The following NAV1 variants were observed in gnomAD, a reference collection of about 807,000 sequenced individuals.
NAV1 encodes pore membrane and/or filament interacting like protein 3.
A neutral mutation model predicts 175.2 loss-of-function variants in NAV1; 18 were observed. The ratio of observed to expected loss-of-function variants is 0.10; its 90% CI spans 0.07 to 0.15. NAV1 has a LOEUF of 0.15. NAV1 is among the 10% of genes least tolerant of loss of function. NAV1 has a pLI of 1.00. For missense variants in NAV1, 1,731 were observed against 2,436.6 expected, an observed-to-expected ratio of 0.71 and a Z score of 6.10; for synonymous variants, 897 against 978.7, an observed-to-expected ratio of 0.92 and a Z score of 1.56.
At chr1:201,546,169 A>G (rs558217064) in intron 1 of NAV1, among the ~76,000 whole-genome samples, 1 of 152,322 alleles carries the variant, frequency 6.6e-6, no homozygotes, top group Admixed American at 6.5e-5. Context: ...ACCATTCTGT[A>G]TGGCCCCTCT....
intron 1 of NAV1, among the ~76,000 whole-genome samples, chr1:201,659,167 T>G (rs1198312859): frequency 2.0e-5 from 3 of 152,230 alleles, no homozygotes; most frequent in Non-Finnish European, 2.9e-5. Flanking sequence ...AATTTGGGAC[T>G]AGACAGGGGA....
chr1:201,655,464 G>T (rs771628242), intron 1 of NAV1, among the ~76,000 whole-genome samples: 1 of 152,258 alleles, frequency 6.6e-6, no homozygotes, highest in Admixed American at 6.5e-5. Flanking sequence ...GGGAGGTAGG[G>T]GGGGCCAGGC....
intron 3 of NAV1, among the ~76,000 whole-genome samples, chr1:201,738,704 C>T (rs1673222180): frequency 6.6e-6 from 1 of 152,122 alleles, no homozygotes; most frequent in Non-Finnish European, 1.5e-5. Flanking sequence ...CTTAAGAGAA[C>T]ACATGTGACC....
chr1:201,784,156 A>ATTTTG (rs1027878929), intron 7 of NAV1, among the ~76,000 whole-genome samples: 12 of 152,198 alleles, frequency 7.9e-5, no homozygotes, highest in Admixed American at 1.3e-4. Context: ...GTCCAAAATC[A>ATTTTG]TTTTGTTTTG....
intron 2 of NAV1, among the ~76,000 whole-genome samples, chr1:201,590,623 C>G (rs1242136101): frequency 1.3e-5 from 2 of 152,172 alleles, no homozygotes; most frequent in East Asian, 3.9e-4. Context: ...GTGCCCAGGC[C>G]CAGCTGAGGA....
intron 1 of NAV1, among the ~76,000 whole-genome samples, chr1:201,665,592 C>T (rs1475715451): frequency 7.3e-5 from 5 of 68,878 alleles, no homozygotes; most frequent in Non-Finnish European, 1.2e-4. Context: ...AGCACCCCAC[C>T]CCCCCCACTG....
At chr1:201,668,495 G>T (rs968166009) in intron 1 of NAV1, among the ~76,000 whole-genome samples, 3 of 152,058 alleles carry the variant, frequency 2.0e-5, no homozygotes, top group African/African-American at 7.2e-5. Flanking sequence ...TTTCCTCCTA[G>T]GGTCTCTCTG....
At position 201,718,417 on chromosome 1, in the gene NAV1, C is replaced by T. The variant is rs1438637238; in HGVS notation, c.888C>T (p.Ser296=). ...CCCTGGAGATGACCTGCTACGACAGCGATGATGCCAACCCACGCAGCGTGT... is the reference window on the plus strand; with the variant it reads ...CCCTGGAGATGACCTGCTACGACAGTGATGATGCCAACCCACGCAGCGTGT... Residue 296 remains serine (S), a synonymous_variant, in exon 3 of 30, where the codon AGC becomes AGT. Coordinates refer to ENST00000367296, the Ensembl canonical transcript of NAV1. This position sits in a 1 kb window ranked among gnomAD's most constrained non-coding sequence, Gnocchi z 4.8. 4 of 1,545,850 alleles carry T rather than the reference C, an allele frequency of 2.6e-6. No individual in the cohort carries two copies. In the South Asian group the frequency reaches 3.7e-5, roughly 14 times the overall value.
chr1:201,545,981 G>T (rs1336870548), intron 1 of NAV1, among the ~76,000 whole-genome samples: 1 of 152,204 alleles, frequency 6.6e-6, no homozygotes, highest in Non-Finnish European at 1.5e-5. Context: ...CAGTTCATTG[G>T]TGCAGATAAT....
rs1033143012 is a variant in NAV1 at position 201,788,349 on chromosome 1, C to T, written c.2996-119C>T. Reference sequence around the variant, plus strand: ...CTGCCCCTTCCTCTCCTGCCCTCTCCCCATTTGCCTCTCATGCTCCCGGTG... The same window carrying T: ...CTGCCCCTTCCTCTCCTGCCCTCTCTCCATTTGCCTCTCATGCTCCCGGTG... On this transcript the variant is annotated intron_variant, in intron 9 of 29. Transcript: ENST00000367296. The surrounding 1 kb of genome is among the most constrained non-coding windows in gnomAD (Gnocchi z 5.7). 2.9e-6 allele frequency: 3 copies of T among 1,036,256 alleles called. No individual in the cohort carries two copies. Among genetic ancestry groups the T allele is most frequent in the South Asian group, 2.8e-5 (2 of 72,172 alleles). The allele number at this position is 1,036,256 out of a possible 1,614,324, so 64.2% of individuals were successfully genotyped here. A position where few individuals can be genotyped will look rare whatever the true frequency, so the allele number is the denominator to read the frequency against.
chr1:201,667,170 G>T (rs759107081), intron 1 of NAV1, among the ~76,000 whole-genome samples: 1 of 152,244 alleles, frequency 6.6e-6, no homozygotes, highest in East Asian at 1.9e-4. Context: ...CTGAGGCCCA[G>T]AGAAGAACAG....
At chr1:201,608,168 T>C (rs1482399917) in intron 2 of NAV1, among the ~76,000 whole-genome samples, 3 of 152,208 alleles carry the variant, frequency 2.0e-5, no homozygotes, top group African/African-American at 7.2e-5. Context: ...GTGATGTAGG[T>C]ATTCTCGTTT....
chr1:201,808,148 G>A lies in NAV1; in HGVS notation c.3844G>A (p.Glu1282Lys), dbSNP rs778200308. 8.7e-6 allele frequency: 14 copies of A among 1,613,882 alleles called. No individual in the cohort carries two copies. The highest frequency in any genetic ancestry group is 2.7e-5 in the African/African-American group (2 of 74,898). Reference sequence around the variant, plus strand: ...GTCCTCCGTGGGCACTGATGTCACCGAGTAAGTGCTCTTTGGCTCCCTGCC... The same window carrying A: ...GTCCTCCGTGGGCACTGATGTCACCAAGTAAGTGCTCTTTGGCTCCCTGCC... The change falls in exon 18 of 30, where the codon GAG (glutamate) becomes AAG (lysine). Residue 1282 changes from glutamate to lysine, a missense_variant and splice_region_variant. By Grantham distance (56) the Glu-to-Lys change is moderately conservative. Coordinates refer to ENST00000367296, the Ensembl canonical transcript of NAV1. The surrounding 1 kb of genome is among the most constrained non-coding windows in gnomAD (Gnocchi z 5.5).
intron 1 of NAV1, among the ~76,000 whole-genome samples, chr1:201,624,827 C>T (rs1430504498): frequency 6.6e-6 from 1 of 152,106 alleles, no homozygotes; most frequent in Admixed American, 6.6e-5. Context: ...GAAACTCTCA[C>T]TTATATTTTG....
chr1:201,681,514 G>A (rs779555636), intron 1 of NAV1, among the ~76,000 whole-genome samples: 2 of 152,158 alleles, frequency 1.3e-5, no homozygotes, highest in African/African-American at 4.8e-5. Context: ...AGCAGTCCAC[G>A]AGGCCATGTG....
chr1:201,793,651 AT>A (rs925713457), intron 13 of NAV1, 140 bp from the exon 18 acceptor site: 34 of 689,680 alleles, frequency 4.9e-5, no homozygotes, highest in Middle Eastern at 2.5e-4. Flanking sequence ...GAAAATCAAT[AT>A]TTTTTTAACC....
At chr1:201,794,324 G>T in intron 14 of NAV1, 142 bp from the exon 19 acceptor site, 1 of 743,478 alleles carries the variant, frequency 1.3e-6, no homozygotes. Flanking sequence ...GCTAATTTTT[G>T]TATTTTTAAT....
intron 7 of NAV1, 38 bp downstream of exon 11, chr1:201,783,890 G>A (rs760477341): frequency 2.0e-5 from 31 of 1,551,636 alleles, no homozygotes; most frequent in East Asian, 6.8e-5. Flanking sequence ...GCCTGTCTCC[G>A]TGTCTTGGGC....
intron 1 of NAV1, among the ~76,000 whole-genome samples, chr1:201,628,607 C>T (rs1439381626): frequency 6.6e-6 from 1 of 152,166 alleles, no homozygotes; most frequent in Non-Finnish European, 1.5e-5. Context: ...GCCTGCACAG[C>T]CCTCCCCTCC....
Sources: gnomAD v4.1 joint callset for allele counts (sites outside exome capture counted in the v4.1 genomes callset) on GRCh38, gnomAD v4.1.1 for gene constraint, Gnocchi (gnomAD v3.1) non-coding constraint, MANE v1.5 for transcripts, NCBI Gene and HGNC (gene_info 2026-07-23, HGNC 2026-07-21) for gene names.